The following CHRM3 variants were observed in gnomAD, a reference collection of about 807,000 sequenced individuals.
The protein encoded by CHRM3 is cholinergic receptor muscarinic 3, also known as muscarinic acetylcholine receptor M3.
In CHRM3, 11 loss-of-function variants were observed where a neutral mutation model predicts 41.8. The ratio of observed to expected loss-of-function variants is 0.26; its 90% CI spans 0.17 to 0.44. The LOEUF is 0.44. Among genes scored for constraint, CHRM3 ranks in the 20% least tolerant of loss-of-function variants. The pLI is 1.00. For missense variants in CHRM3, 571 were observed against 745.4 expected (o/e 0.77, Z 2.72); for synonymous variants, 297 against 301.4 (o/e 0.99, Z 0.15).
intron 5 of CHRM3, among the ~76,000 whole-genome samples, chr1:239,753,693 G>T (rs892485335): frequency 2.0e-5 from 3 of 152,126 alleles, no homozygotes; most frequent in Non-Finnish European, 4.4e-5. Context: ...GTCATATTTT[G>T]TTGACTGACC....
At chr1:239,390,937 G>A (rs1358079117) in intron 1 of CHRM3, among the ~76,000 whole-genome samples, 1 of 152,154 alleles carries the variant, frequency 6.6e-6, no homozygotes, top group Non-Finnish European at 1.5e-5. Flanking sequence ...AGGAAATCAA[G>A]ATCAGCCTAG....
rs542834907 is a variant in CHRM3, at chr1:239,500,473, G to A, written c.-422+7666G>A. 4.6e-5 allele frequency among the ~76,000 whole-genome samples: 7 copies of A among 151,422 alleles called. No individual in the cohort carries two copies. In the South Asian group the frequency reaches 1.1e-3, roughly 23 times the overall value. On this transcript the variant is annotated intron_variant, in intron 2 of 6. Coordinates refer to ENST00000676153, the MANE Select transcript of CHRM3 (RefSeq NM_001375978.1). ...ACATACCAGGGCCTGTTATGGGGTG[G>A]GGGGATGGGGGAGGGATAGCATTTG... is the stretch of plus-strand genomic sequence containing the variant.
chr1:239,754,226 A>G (rs1293883902), intron 5 of CHRM3, among the ~76,000 whole-genome samples: 3 of 152,256 alleles, frequency 2.0e-5, no homozygotes, highest in Admixed American at 6.5e-5. Context: ...TATGACCACA[A>G]TTATAAAGTA....
intron 3 of CHRM3, among the ~76,000 whole-genome samples, chr1:239,598,200 T>C (rs1002008999): frequency 1.3e-5 from 2 of 152,110 alleles, no homozygotes; most frequent in Non-Finnish European, 2.9e-5. Flanking sequence ...TCAGTTACTA[T>C]TGAGGTTGTT....
At chr1:239,529,967 G>T (rs1315446625) in intron 2 of CHRM3, among the ~76,000 whole-genome samples, 4 of 151,722 alleles carry the variant, frequency 2.6e-5, no homozygotes, top group Non-Finnish European at 5.9e-5. Context: ...GCGCGATCTC[G>T]GCTCACTGCA....
intron 6 of CHRM3, among the ~76,000 whole-genome samples, chr1:239,875,258 T>C (rs1291353858): frequency 7.9e-5 from 12 of 152,198 alleles, no homozygotes; most frequent in Non-Finnish European, 1.5e-5. Flanking sequence ...GCTAAGATTC[T>C]ATGGCAGAGA....
At chr1:239,679,411 A>C (rs76031273) in intron 5 of CHRM3, among the ~76,000 whole-genome samples, 1 of 152,234 alleles carries the variant, frequency 6.6e-6, no homozygotes, top group African/African-American at 2.4e-5. Context: ...ACTACTTAAC[A>C]ATGGCCTTGG....
intron 3 of CHRM3, among the ~76,000 whole-genome samples, chr1:239,602,909 G>C (rs930211126): frequency 6.6e-6 from 1 of 152,108 alleles, no homozygotes; most frequent in African/African-American, 2.4e-5. Flanking sequence ...TAAGTACACT[G>C]TTGTTCAGTA....
At chr1:239,439,602 G>A (rs536366971) in intron 1 of CHRM3, among the ~76,000 whole-genome samples, 1 of 152,236 alleles carries the variant, frequency 6.6e-6, no homozygotes, top group Admixed American at 6.5e-5. Context: ...TTGGAATAAT[G>A]GAGAAAGCAA....
At position 239,805,537 on chromosome 1, in the gene CHRM3, G is replaced by A. The variant is rs75763271; in HGVS notation, c.-146-21715G>A. 0.011 allele frequency among the ~76,000 whole-genome samples: 1,748 copies of A among 152,252 alleles called. 99 individuals carry two copies. In the East Asian group the frequency reaches 0.19, roughly 16 times the overall value. On this transcript the variant is annotated intron_variant, in intron 5 of 6. Coordinates refer to ENST00000676153, the MANE Select transcript of CHRM3 (RefSeq NM_001375978.1). ...AAGTAGCTAGGAGAGAAAACAAAGT[G>A]AGAAGAACTGCCTCCTTCATGCTTT...
chr1:239,879,575 G>GC (rs1304574021), intron 6 of CHRM3, among the ~76,000 whole-genome samples: 1 of 152,152 alleles, frequency 6.6e-6, no homozygotes, highest in Non-Finnish European at 1.5e-5. Context: ...TGAACATCAG[G>GC]CTCCCGGGTG....
intron 2 of CHRM3, among the ~76,000 whole-genome samples, chr1:239,511,293 C>T (rs1373405716): frequency 6.6e-6 from 1 of 152,168 alleles, no homozygotes; most frequent in Non-Finnish European, 1.5e-5. Context: ...TCATCTGTAG[C>T]TATGCAGTAC....
chr1:239,732,190 A>G (rs894590878), intron 5 of CHRM3, among the ~76,000 whole-genome samples: 24 of 151,940 alleles, frequency 1.6e-4, no homozygotes, highest in African/African-American at 5.8e-4. Flanking sequence ...TATACCTAAT[A>G]TCTCATTTAG....
chr1:239,790,000 C>T (rs978443819), intron 5 of CHRM3, among the ~76,000 whole-genome samples: 1 of 152,178 alleles, frequency 6.6e-6, no homozygotes, highest in Non-Finnish European at 1.5e-5. Context: ...TTGCATGGGG[C>T]CTGTAGCCCC....
intron 1 of CHRM3, among the ~76,000 whole-genome samples, chr1:239,391,147 A>G (rs918290190): frequency 5.3e-5 from 8 of 152,210 alleles, no homozygotes; most frequent in Admixed American, 3.9e-4. Context: ...CTACATAATC[A>G]TCATCATAAT....
chr1:239,808,007 T>A (rs2148962661), intron 5 of CHRM3, among the ~76,000 whole-genome samples: 1 of 152,310 alleles, frequency 6.6e-6, no homozygotes, highest in Non-Finnish European at 1.5e-5. Context: ...ATTAGTTATA[T>A]AAAACATGAA....
chr1:239,546,114 T>C (rs1659269653), intron 3 of CHRM3: 1 of 152,178 alleles, frequency 6.6e-6, no homozygotes, highest in Non-Finnish European at 1.5e-5. Flanking sequence ...TTACCGAGTT[T>C]ATGCTTTGCA....
chr1:239,586,529 C>G (rs1300344042), intron 3 of CHRM3, among the ~76,000 whole-genome samples: 1 of 152,138 alleles, frequency 6.6e-6, no homozygotes, highest in Non-Finnish European at 1.5e-5. Flanking sequence ...AAATAATCCC[C>G]TTCCCATTCT....
intron 6 of CHRM3, among the ~76,000 whole-genome samples, chr1:239,890,741 A>G (rs1326203687): frequency 6.6e-6 from 1 of 152,224 alleles, no homozygotes; most frequent in Non-Finnish European, 1.5e-5. Flanking sequence ...TATTAACACA[A>G]TAAGACATGT....
Sources: allele counts gnomAD v4.1 joint callset (sites outside exome capture counted in the v4.1 genomes callset), GRCh38; gene constraint gnomAD v4.1.1; transcripts MANE v1.5; gene names NCBI Gene and HGNC (gene_info 2026-07-23, HGNC 2026-07-21).